RREB1: variants seen among roughly 807,000 people sequenced by gnomAD.
RREB1 encodes the protein ras-responsive element-binding protein 1.
In RREB1, 27 loss-of-function variants were observed where a neutral mutation model predicts 117.8. The ratio of observed to expected loss-of-function variants is 0.23; its 90% CI spans 0.17 to 0.32. The LOEUF (loss-of-function observed/expected upper bound fraction) is 0.32, where lower values mean the gene tolerates loss of function less well. RREB1 is among the 10% of genes least tolerant of loss of function. The pLI is 1.00. For missense variants in RREB1, 2,577 were observed against 2,378.2 expected (o/e 1.08, Z -1.74); for synonymous variants, 1,298 against 1,026.7 (o/e 1.26, Z -5.05).
chr6:7,163,129 C>A (rs1001921946), intron 1 of RREB1, among the ~76,000 whole-genome samples: 5 of 152,176 alleles, frequency 3.3e-5, no homozygotes, highest in African/African-American at 1.2e-4. Context: ...GACTATTCTT[C>A]CCTTGATGAG....
rs572727664 is a variant in RREB1, at chr6:7,230,115, G to A, written c.2016G>A (p.Gln672=). ...CCCACCTGGGCATCTCGCCATACCA[G>A]TGCAACATCTGCGACTACATCGCCG... ...VRSHLGISPY[Q]CNICDYIAAD... Residue 672 remains glutamine (Q), a synonymous_variant, in exon 10 of 13, where the codon CAG becomes CAA. Transcript: ENST00000379938. 1.6e-5 allele frequency: 26 copies of A among 1,604,662 alleles called. No individual in the cohort carries two copies. The South Asian group carries it at 2.8e-4, about 17-fold the overall frequency.
intron 1 of RREB1, among the ~76,000 whole-genome samples, chr6:7,141,962 A>G (rs1762617010): frequency 6.6e-6 from 1 of 152,200 alleles, no homozygotes; most frequent in Non-Finnish European, 1.5e-5. Flanking sequence ...TCGTAATTCC[A>G]GCAATTTGGG....
intron 10 of RREB1, among the ~76,000 whole-genome samples, chr6:7,232,311 G>A (rs773578052): frequency 3.3e-5 from 5 of 152,250 alleles, no homozygotes; most frequent in East Asian, 1.9e-4. Context: ...TAATGAGCTC[G>A]GTGCTTTGAC....
intron 1 of RREB1, among the ~76,000 whole-genome samples, chr6:7,130,929 CTTTTT>C (rs61305060): frequency 1.1e-4 from 5 of 45,756 alleles, no homozygotes; most frequent in East Asian, 2.6e-3. Context: ...ATAGTCATGT[CTTTTT>C]TTTTTTTTTT....
At chr6:7,150,702 T>G (rs1763078749) in intron 1 of RREB1, among the ~76,000 whole-genome samples, 1 of 152,216 alleles carries the variant, frequency 6.6e-6, no homozygotes, top group Non-Finnish European at 1.5e-5. Context: ...AGGAAGCAAG[T>G]GGCAGATCTG....
intron 1 of RREB1, among the ~76,000 whole-genome samples, chr6:7,157,006 G>A (rs1444159219): frequency 6.6e-6 from 1 of 152,206 alleles, no homozygotes; most frequent in Non-Finnish European, 1.5e-5. Flanking sequence ...TTGTCTGTCT[G>A]ACTGCCGCTG....
intron 1 of RREB1, among the ~76,000 whole-genome samples, chr6:7,164,875 A>G (rs551697417): frequency 6.6e-6 from 1 of 152,360 alleles, no homozygotes; most frequent in South Asian, 2.1e-4. Flanking sequence ...TTCTGCTTTC[A>G]GTTCCAGTGG....
intron 4 of RREB1, among the ~76,000 whole-genome samples, chr6:7,184,280 T>A (rs550589230): frequency 5.0e-4 from 75 of 151,302 alleles, no homozygotes; most frequent in African/African-American, 1.3e-3. Context: ...TATTATTTTT[T>A]TTATTATTAT....
rs765119182 is a variant in RREB1 at position 7,189,345 on chromosome 6, TG to T, written c.425+29del. ...CAGGTGGGTGAGGGCGCCCTTTGCT[TG>T]GGGGGTTGGCTGGTACTTGGAGGTT... On this transcript the variant is annotated intron_variant, in intron 6 of 12. Coordinates refer to ENST00000379938, the MANE Select transcript of RREB1 (RefSeq NM_001003699.4). 5.3e-5 allele frequency: 82 copies of T among 1,548,668 alleles called. No homozygotes were observed. In the South Asian group the frequency reaches 5.8e-4, roughly 11 times the overall value.
intron 6 of RREB1, among the ~76,000 whole-genome samples, chr6:7,208,681 A>G (rs1457504551): frequency 6.6e-6 from 1 of 152,210 alleles, no homozygotes; most frequent in Non-Finnish European, 1.5e-5. Flanking sequence ...GGTTTTCCAG[A>G]CTAAGCCAGA....
At chr6:7,171,231 C>T (rs952380714) in intron 1 of RREB1, among the ~76,000 whole-genome samples, 5 of 152,152 alleles carry the variant, frequency 3.3e-5, no homozygotes, top group Non-Finnish European at 5.9e-5. Context: ...AACTCTTGCC[C>T]GCTGCAACGA....
chr6:7,160,931 G>A (rs1250297716), intron 1 of RREB1, among the ~76,000 whole-genome samples: 5 of 152,074 alleles, frequency 3.3e-5, no homozygotes, highest in East Asian at 1.9e-4. Context: ...TGATCCACCC[G>A]CCTCAGCCTT....
At chr6:7,201,105 A>G (rs935050372) in intron 6 of RREB1, among the ~76,000 whole-genome samples, 12 of 152,168 alleles carry the variant, frequency 7.9e-5, no homozygotes, top group African/African-American at 2.9e-4. Flanking sequence ...TGCTGGGGGT[A>G]GGATGACTAG....
chr6:7,230,997 C>T lies in RREB1; in HGVS notation c.2898C>T (p.Ser966=), dbSNP rs530016076. 78 of 1,614,130 alleles carry T rather than the reference C, an allele frequency of 4.8e-5. No individual in the cohort carries two copies. Among genetic ancestry groups the T allele is most frequent in the South Asian group, 4.3e-4 (39 of 91,086 alleles). The change falls in exon 10 of 13, where the codon AGC becomes AGT. Residue 966 remains serine, a synonymous_variant. Coordinates refer to ENST00000379938, the MANE Select transcript of RREB1 (RefSeq NM_001003699.4). ...AGCCTGAGGAGGAGGCGGGGAGCAG[C>T]GAGCAGCCCTCTCCCTGCCCAGCAC... is the stretch of plus-strand genomic sequence containing the variant. ...AKKPEEEAGS[S]EQPSPCPAPG...
intron 1 of RREB1, among the ~76,000 whole-genome samples, chr6:7,109,085 G>A (rs1377894063): frequency 6.6e-6 from 1 of 151,802 alleles, no homozygotes; most frequent in Non-Finnish European, 1.5e-5. Flanking sequence ...AGCATCCGAG[G>A]CGGGGCCGGC....
chr6:7,210,258 C>T (rs533512671), intron 6 of RREB1, among the ~76,000 whole-genome samples: 24 of 152,330 alleles, frequency 1.6e-4, no homozygotes, highest in African/African-American at 5.5e-4. Context: ...ATACTACGAA[C>T]AACAGGGAAC....
chr6:7,221,902 G>A (rs749494383), intron 8 of RREB1, among the ~76,000 whole-genome samples: 4 of 152,316 alleles, frequency 2.6e-5, no homozygotes, highest in East Asian at 1.9e-4. Context: ...GCCAGGAAAC[G>A]GGCTTTTCCT....
At chr6:7,152,392 T>G (rs979001391) in intron 1 of RREB1, among the ~76,000 whole-genome samples, 1 of 152,232 alleles carries the variant, frequency 6.6e-6, no homozygotes, top group African/African-American at 2.4e-5. Flanking sequence ...AATTGACTTT[T>G]TTTATGTCTC....
chr6:7,131,759 G>A (rs1762166178), intron 1 of RREB1, among the ~76,000 whole-genome samples: 1 of 152,180 alleles, frequency 6.6e-6, no homozygotes, highest in African/African-American at 2.4e-5. Context: ...CACACGCCCG[G>A]CCAAAGCTGA....
Sources: gnomAD v4.1 joint callset for allele counts (sites outside exome capture counted in the v4.1 genomes callset) on GRCh38, gnomAD v4.1.1 for gene constraint, MANE v1.5 for transcripts, NCBI Gene and HGNC (gene_info 2026-07-23, HGNC 2026-07-21) for gene names.